Variants in SOX5 observed in about 807,000 individuals in gnomAD.
The protein encoded by SOX5 is transcription factor SOX-5.
A neutral mutation model predicts 92.0 loss-of-function variants in SOX5; 9 were observed. The observed-to-expected ratio is 0.10, with a 90% CI of 0.06 to 0.17. The LOEUF (loss-of-function observed/expected upper bound fraction) is 0.17. Ranked by LOEUF, SOX5 falls within the 10% of genes least tolerant of loss-of-function variation. The pLI is 1.00. For synonymous variants in SOX5, 344 were observed against 336.3 expected (o/e 1.02, Z -0.25); for missense variants, 642 against 944.5 (o/e 0.68, Z 4.20).
intron 3 of SOX5, among the ~76,000 whole-genome samples, chr12:23,781,023 A>G (rs903132972): frequency 3.3e-5 from 5 of 152,016 alleles, no homozygotes; most frequent in Non-Finnish European, 7.4e-5. Flanking sequence ...TTTATAAAAG[A>G]TTATTAACCA....
At chr12:24,448,317 G>C (rs1941787929) in intron 1 of SOX5, among the ~76,000 whole-genome samples, 1 of 152,154 alleles carries the variant, frequency 6.6e-6, no homozygotes, top group African/African-American at 2.4e-5. Flanking sequence ...GTGAGGATTG[G>C]ATTTTCTAAA....
intron 1 of SOX5, among the ~76,000 whole-genome samples, chr12:24,466,764 C>T (rs1416973455): frequency 1.3e-5 from 2 of 152,094 alleles, no homozygotes; most frequent in Admixed American, 1.3e-4. Context: ...AGTTTGTGGG[C>T]TCCTACACCA....
intron 3 of SOX5, among the ~76,000 whole-genome samples, chr12:24,219,831 C>G (rs1402696122): frequency 6.6e-6 from 1 of 152,008 alleles, no homozygotes; most frequent in Non-Finnish European, 1.5e-5. Flanking sequence ...AAAAAGTTCT[C>G]AAGCACTTAT....
intron 1 of SOX5, among the ~76,000 whole-genome samples, chr12:24,440,299 C>G (rs144278639): frequency 6.6e-6 from 1 of 152,174 alleles, no homozygotes; most frequent in East Asian, 1.9e-4. Context: ...ACTCTAGTCT[C>G]TTTCTGCTGA....
intron 6 of SOX5, among the ~76,000 whole-genome samples, chr12:23,733,629 C>T (rs931995382): frequency 2.0e-5 from 3 of 151,984 alleles, no homozygotes; most frequent in African/African-American, 4.8e-5. Flanking sequence ...AAATTAGGTG[C>T]GCCTGACTCA....
intron 4 of SOX5, among the ~76,000 whole-genome samples, chr12:24,041,181 C>T (rs1487164932): frequency 6.6e-6 from 1 of 151,954 alleles, no homozygotes; most frequent in East Asian, 1.9e-4. Context: ...TTTGATTGTC[C>T]CAGTGGGATG....
chr12:24,224,788 G>A (rs1335900294), intron 3 of SOX5, among the ~76,000 whole-genome samples: 1 of 152,116 alleles, frequency 6.6e-6, no homozygotes, highest in African/African-American at 2.4e-5. Flanking sequence ...CTATGTCACT[G>A]CATGAGCACT....
In SOX5 at chr12:24,095,120, CACACACACAG is replaced by C. The variant is rs1269281551; in HGVS notation, c.-2+118213_-2+118222del. ...ACACACACACACACACACACACACA[CACACACACAG>C]AGAGAGAGAGAGAGAGAGAGAGAGA... On this transcript the variant is annotated intron_variant, in intron 4 of 4. Coordinates refer to the SOX5 transcript ENST00000446891. 2.4e-3 allele frequency among the ~76,000 whole-genome samples: 246 copies of C among 102,156 alleles called. 1 individual carries two copies. The highest frequency in any genetic ancestry group is 7.4e-3 in the African/African-American group (228 of 30,856). The allele number at this position is 102,156 out of a possible 152,430, so 67.0% of individuals were successfully genotyped here.
intron 1 of SOX5, among the ~76,000 whole-genome samples, chr12:24,508,093 A>C (rs767171213): frequency 6.6e-6 from 1 of 152,156 alleles, no homozygotes; most frequent in African/African-American, 2.4e-5. Context: ...CTCAAGTTCC[A>C]TGCTAAGGAG....
intron 1 of SOX5, among the ~76,000 whole-genome samples, chr12:24,484,677 G>C (rs1329040074): frequency 6.6e-6 from 1 of 152,168 alleles, no homozygotes; most frequent in East Asian, 1.9e-4. Context: ...CATTATGTAT[G>C]CATCGTAACA....
chr12:23,836,100 T>A lies in SOX5; in HGVS notation c.481+9883A>T, dbSNP rs150421895. ...AGTAATTTATATATTTTAATGCATT[T>A]CCCTTCAATACATAATTATATATTC... On this transcript the variant is annotated intron_variant, in intron 3 of 14. Transcript: ENST00000451604. Among the ~76,000 whole-genome samples, 1,463 of 151,968 alleles carry A rather than the reference T, an allele frequency of 9.6e-3. 23 individuals are homozygous for A. The highest frequency in any genetic ancestry group is 0.034 in the African/African-American group (1,398 of 41,538).
At chr12:24,260,110 G>A (rs1452556568) in intron 3 of SOX5, among the ~76,000 whole-genome samples, 1 of 152,202 alleles carries the variant, frequency 6.6e-6, no homozygotes, top group Non-Finnish European at 1.5e-5. Context: ...TGGTATGAGA[G>A]GAGTGGGTGG....
chr12:24,419,963 C>T (rs1243367245), intron 1 of SOX5, among the ~76,000 whole-genome samples: 1 of 152,276 alleles, frequency 6.6e-6, no homozygotes, highest in East Asian at 1.9e-4. Context: ...GAAGACTCTG[C>T]TATGGCATTA....
intron 3 of SOX5, among the ~76,000 whole-genome samples, chr12:23,826,783 GT>G (rs2096242290): frequency 6.6e-6 from 1 of 152,120 alleles, no homozygotes; most frequent in Non-Finnish European, 1.5e-5. Flanking sequence ...CTGCTCCCAA[GT>G]CTTCCACATG....
intron 3 of SOX5, among the ~76,000 whole-genome samples, chr12:24,262,515 G>A (rs1213694480): frequency 2.6e-5 from 4 of 152,178 alleles, no homozygotes; most frequent in African/African-American, 9.7e-5. Flanking sequence ...GTGGGATTCA[G>A]ATAATCTACA....
At chr12:24,219,055 T>C (rs2139771120) in intron 3 of SOX5, among the ~76,000 whole-genome samples, 1 of 152,166 alleles carries the variant, frequency 6.6e-6, no homozygotes, top group East Asian at 1.9e-4. Flanking sequence ...ACCATAGAGA[T>C]TTTTGAATTA....
intron 6 of SOX5, among the ~76,000 whole-genome samples, chr12:23,716,057 C>T (rs1310476692): frequency 6.6e-6 from 1 of 152,020 alleles, no homozygotes; most frequent in Non-Finnish European, 1.5e-5. Flanking sequence ...AAATTTGATT[C>T]CAAAGATATG....
At chr12:23,896,312 C>G (rs536263498) in intron 1 of SOX5, among the ~76,000 whole-genome samples, 2 of 152,118 alleles carry the variant, frequency 1.3e-5, no homozygotes, top group Non-Finnish European at 2.9e-5. Context: ...AATGAAAGAC[C>G]ATTCCATTTT....
At chr12:24,117,613 C>T (rs965540422) in intron 4 of SOX5, among the ~76,000 whole-genome samples, 1 of 152,170 alleles carries the variant, frequency 6.6e-6, no homozygotes, top group East Asian at 1.9e-4. Flanking sequence ...TGGGATTATA[C>T]ACAGTAGCAT....
Sources: gnomAD v4.1 joint callset for allele counts (sites outside exome capture counted in the v4.1 genomes callset) on GRCh38, gnomAD v4.1.1 for gene constraint, MANE v1.5 for transcripts, NCBI Gene and HGNC (gene_info 2026-07-23, HGNC 2026-07-21) for gene names.